FHIP1A: variants seen among roughly 807,000 people sequenced by gnomAD.
The protein encoded by FHIP1A is FHF complex subunit HOOK-interacting protein 1A.
Under a neutral mutation model 88.6 loss-of-function variants are expected in FHIP1A, and 61 were observed. The ratio of observed to expected loss-of-function variants is 0.69; its 90% CI spans 0.56 to 0.85. FHIP1A has a LOEUF of 0.85. FHIP1A is among the 40% of genes least tolerant of loss of function. The pLI, the probability that FHIP1A is intolerant of heterozygous loss-of-function variation, is 0.00. For missense variants in FHIP1A, 1,154 were observed against 1,273.5 expected (o/e 0.91, Z 1.43); for synonymous variants, 478 against 496.0 (o/e 0.96, Z 0.48).
At chr4:151,532,321 T>C (rs1731907354) in intron 3 of FHIP1A, among the ~76,000 whole-genome samples, 1 of 152,204 alleles carries the variant, frequency 6.6e-6, no homozygotes, top group Admixed American at 6.5e-5. Flanking sequence ...ATTAAGTGGG[T>C]CAAAAGCTAG....
At chr4:151,624,988 TGGAG>T (rs1735899783) in intron 7 of FHIP1A, among the ~76,000 whole-genome samples, 1 of 152,144 alleles carries the variant, frequency 6.6e-6, no homozygotes, top group South Asian at 2.1e-4. Context: ...TTCTTGTCCT[TGGAG>T]GGGAGAAGAT....
chr4:151,441,852 A>C (rs954730293), intron 1 of FHIP1A, among the ~76,000 whole-genome samples: 1 of 152,168 alleles, frequency 6.6e-6, no homozygotes, highest in African/African-American at 2.4e-5. Context: ...GAGAAATTTT[A>C]TGTGGCTTTC....
At chr4:151,558,115 T>TA (rs1416731914) in intron 3 of FHIP1A, among the ~76,000 whole-genome samples, 1 of 152,190 alleles carries the variant, frequency 6.6e-6, no homozygotes, top group Non-Finnish European at 1.5e-5. Context: ...TGCAATATTT[T>TA]AAAGAGGAAG....
chr4:151,588,464 C>G (rs571703418), intron 6 of FHIP1A, among the ~76,000 whole-genome samples: 4 of 151,996 alleles, frequency 2.6e-5, no homozygotes, highest in Non-Finnish European at 5.9e-5. Context: ...AAGTAAGGGG[C>G]AAAAATTATA....
At chr4:151,580,319 T>C (rs1733973324) in intron 5 of FHIP1A, among the ~76,000 whole-genome samples, 4 of 152,186 alleles carry the variant, frequency 2.6e-5, no homozygotes, top group Admixed American at 2.6e-4. Context: ...TAGATCTACA[T>C]GCCCAGTTAA....
At chr4:151,567,259 T>C (rs145874208) in intron 4 of FHIP1A, among the ~76,000 whole-genome samples, 11 of 152,224 alleles carry the variant, frequency 7.2e-5, no homozygotes, top group South Asian at 2.1e-4. Context: ...TGGCTATTTA[T>C]GTGACAGTTT....
At chr4:151,589,741 A>G (rs1324359953) in intron 7 of FHIP1A, among the ~76,000 whole-genome samples, 3 of 152,184 alleles carry the variant, frequency 2.0e-5, no homozygotes, top group South Asian at 2.1e-4. Context: ...ATACTTGATT[A>G]TGGCAACTTT....
chr4:151,544,967 G>A (rs568467087), intron 3 of FHIP1A, among the ~76,000 whole-genome samples: 1 of 152,230 alleles, frequency 6.6e-6, no homozygotes, highest in African/African-American at 2.4e-5. Flanking sequence ...AAAGCTACTT[G>A]GAGAGGCTGA....
chr4:151,456,939 A>AT (rs1311377776), intron 2 of FHIP1A, among the ~76,000 whole-genome samples: 5 of 152,098 alleles, frequency 3.3e-5, no homozygotes, highest in African/African-American at 1.2e-4. Flanking sequence ...ATTTGTTTTT[A>AT]TTTTACAGTA....
chr4:151,554,456 C>T (rs1393716483), intron 3 of FHIP1A, among the ~76,000 whole-genome samples: 2 of 152,118 alleles, frequency 1.3e-5, no homozygotes, highest in Admixed American at 1.3e-4. Flanking sequence ...CTGAAATAAT[C>T]ACAGCAGAAG....
At position 151,650,528 on chromosome 4, in the gene FHIP1A, G is replaced by A; in HGVS notation, c.2487G>A (p.Val829=). The A allele has an allele frequency of 1.9e-6, 3 of 1,551,464 alleles. No individual in the cohort carries two copies. The highest frequency in any genetic ancestry group is 2.6e-6 in the Non-Finnish European group (3 of 1,147,034). Reference sequence around the variant, plus strand: ...TAGAGACTGTGCCTTCCCCATTTGTGGGGAGAGATGAGGCTGCCTTTGCCA... The same window carrying A: ...TAGAGACTGTGCCTTCCCCATTTGTAGGGAGAGATGAGGCTGCCTTTGCCA... ...PAVETVPSPF[V]GRDEAAFASR... The change falls in exon 11 of 14, where the codon GTG becomes GTA. Residue 829 remains valine (V), a synonymous_variant. Coordinates refer to ENST00000435205, the MANE Select transcript of FHIP1A (RefSeq NM_001109977.3).
rs140564328 is a variant in FHIP1A at position 151,610,291 on chromosome 4, C to G, written c.979-19411C>G. On this transcript the variant is annotated intron_variant, in intron 7 of 13. Coordinates refer to ENST00000435205, the MANE Select transcript of FHIP1A (RefSeq NM_001109977.3). Reference sequence around the variant, plus strand: ...CTGTTTTTGTTTTTATTGTTACATACTTGTTGGGAAAATAATAGATTTAGA... The same window carrying G: ...CTGTTTTTGTTTTTATTGTTACATAGTTGTTGGGAAAATAATAGATTTAGA... Among the ~76,000 whole-genome samples, 8 of 152,302 alleles carry G rather than the reference C, an allele frequency of 5.3e-5. No homozygotes were observed. In the East Asian group the frequency reaches 1.5e-3, roughly 29 times the overall value.
intron 2 of FHIP1A, among the ~76,000 whole-genome samples, chr4:151,476,149 T>G (rs1195555944): frequency 2.0e-5 from 3 of 150,454 alleles, no homozygotes; most frequent in Non-Finnish European, 4.4e-5. Context: ...CATGAGACAC[T>G]GTGCTCGGCC....
At chr4:151,531,958 A>G (rs1731891651) in intron 3 of FHIP1A, among the ~76,000 whole-genome samples, 1 of 152,250 alleles carries the variant, frequency 6.6e-6, no homozygotes, top group Non-Finnish European at 1.5e-5. Context: ...TAAGGAATGT[A>G]AAAGAAAGTT....
At chr4:151,608,294 C>T (rs563961344) in intron 7 of FHIP1A, among the ~76,000 whole-genome samples, 1 of 152,214 alleles carries the variant, frequency 6.6e-6, no homozygotes, top group East Asian at 1.9e-4. Flanking sequence ...ATCCACCCAC[C>T]TCAGCCTCCC....
chr4:151,482,460 A>G (rs1253440452), intron 2 of FHIP1A, 64 bp from the exon 3 acceptor site: 1 of 152,090 alleles, frequency 6.6e-6, no homozygotes, highest in East Asian at 1.9e-4. Flanking sequence ...GAGCGGAGAA[A>G]AAATAGAGAT....
chr4:151,437,626 T>G (rs1728251078), intron 1 of FHIP1A, among the ~76,000 whole-genome samples: 1 of 152,204 alleles, frequency 6.6e-6, no homozygotes, highest in Non-Finnish European at 1.5e-5. Flanking sequence ...AACATGGTAA[T>G]AAAATGTCAT....
intron 3 of FHIP1A, among the ~76,000 whole-genome samples, chr4:151,487,209 A>T (rs1254902215): frequency 6.6e-6 from 1 of 152,056 alleles, no homozygotes. Context: ...TTCCCTATGG[A>T]TGATGGTATA....
intron 8 of FHIP1A, among the ~76,000 whole-genome samples, chr4:151,634,480 G>A (rs1254919793): frequency 1.3e-5 from 2 of 151,736 alleles, no homozygotes; most frequent in Non-Finnish European, 1.5e-5. Context: ...GAAGGAAAAA[G>A]TTGGAGAGCT....
Sources: gnomAD v4.1 joint callset for allele counts (sites outside exome capture counted in the v4.1 genomes callset) on GRCh38, gnomAD v4.1.1 for gene constraint, MANE v1.5 for transcripts, NCBI Gene and HGNC (gene_info 2026-07-23, HGNC 2026-07-21) for gene names.